The following SSBP3 variants were observed in gnomAD, a reference collection of about 807,000 sequenced individuals.
SSBP3 encodes the protein single-stranded DNA-binding protein 3.
In SSBP3, 5 loss-of-function variants were observed where a neutral mutation model predicts 69.6. The observed-to-expected ratio is 0.07, with a 90% confidence interval of 0.04 to 0.15. SSBP3 has a LOEUF of 0.15. Ranked by LOEUF, SSBP3 falls within the 10% of genes least tolerant of loss-of-function variation. The probability of loss-of-function intolerance (pLI) is 1.00; values close to 1 mark genes in which losing one functional copy is unlikely to be tolerated. For missense variants in SSBP3, 312 were observed against 534.0 expected, an observed-to-expected ratio of 0.58 and a Z score of 4.10; for synonymous variants, 196 against 193.4, an observed-to-expected ratio of 1.01 and a Z score of -0.11.
intron 4 of SSBP3, among the ~76,000 whole-genome samples, chr1:54,298,427 G>C (rs1430627266): frequency 1.3e-5 from 2 of 152,150 alleles, no homozygotes; most frequent in Non-Finnish European, 2.9e-5. Context: ...CCACCACTCT[G>C]GGGAGCCAGT....
chr1:54,412,221 C>T (rs1650013036), intron 1 of SSBP3, among the ~76,000 whole-genome samples: 1 of 151,968 alleles, frequency 6.6e-6, no homozygotes, highest in Non-Finnish European at 1.5e-5. Context: ...CCCAGCTACT[C>T]AGGAGGCTGA....
chr1:54,352,401 G>C (rs1296864293), intron 4 of SSBP3, among the ~76,000 whole-genome samples: 1 of 152,114 alleles, frequency 6.6e-6, no homozygotes, highest in Admixed American at 6.5e-5. Context: ...GACTGGTAAG[G>C]TGGCTTCTTC....
At chr1:54,233,791 C>T (rs1472890032) in intron 14 of SSBP3, among the ~76,000 whole-genome samples, 4 of 151,942 alleles carry the variant, frequency 2.6e-5, no homozygotes, top group Non-Finnish European at 5.9e-5. Context: ...CCCGGCCAGC[C>T]GCCCTGTCCG....
chr1:54,232,834 T>C lies in SSBP3; in HGVS notation c.928-4008A>G, dbSNP rs928167093. Among the ~76,000 whole-genome samples the C allele has an allele frequency of 1.2e-4, 19 of 152,332 alleles. No individual in the cohort carries two copies. In the South Asian group the frequency reaches 3.7e-3, roughly 30 times the overall value. The stretch of plus-strand genomic sequence containing the variant: ...CTAACCGCGAGTGATCCGCCAGCCT[T>C]GGCCTCCCGAGGTGCCGGGATTGCA... On this transcript the variant is annotated intron_variant, in intron 14 of 17. Transcript: ENST00000610401.
At chr1:54,327,846 C>A (rs1646337378) in intron 4 of SSBP3, among the ~76,000 whole-genome samples, 1 of 152,170 alleles carries the variant, frequency 6.6e-6, no homozygotes, top group Non-Finnish European at 1.5e-5. Flanking sequence ...CCTGTCCCCT[C>A]CCCCATCCCA....
intron 10 of SSBP3, chr1:54,242,981 G>A (rs1022628598): frequency 5.7e-5 from 25 of 438,324 alleles, no homozygotes; most frequent in African/African-American, 1.0e-4. Context: ...AAAAATCATC[G>A]CGTCATAGGG....
In SSBP3 at chr1:54,266,656, CAAAT is replaced by C. The variant is rs3835479; in HGVS notation, c.367-8511_367-8508del. Among the ~76,000 whole-genome samples the C allele has an allele frequency of 2.5e-4, 38 of 152,308 alleles. 1 individual carries two copies. The East Asian group carries it at 6.6e-3, about 26-fold the overall frequency. The stretch of plus-strand genomic sequence containing the variant: ...TTAACCTCACATTTCTCTTGTAAGA[CAAAT>C]GAAGCAAAAGTTGACCCCATTTTAC... On this transcript the variant is annotated intron_variant, in intron 5 of 17. Coordinates refer to ENST00000610401, the Ensembl canonical transcript of SSBP3.
At chr1:54,352,296 T>G (rs865835841) in intron 4 of SSBP3, among the ~76,000 whole-genome samples, 1 of 152,038 alleles carries the variant, frequency 6.6e-6, no homozygotes, top group African/African-American at 2.4e-5. Context: ...TTGATAGAAC[T>G]GATTCAAGTC....
chr1:54,332,525 C>A (rs537385563), intron 4 of SSBP3, among the ~76,000 whole-genome samples: 3 of 152,248 alleles, frequency 2.0e-5, no homozygotes, highest in Non-Finnish European at 1.5e-5. Flanking sequence ...ATCATCTTTC[C>A]AAACCCCCCT....
chr1:54,260,956 AC>A (rs1205668276), intron 5 of SSBP3, among the ~76,000 whole-genome samples: 1 of 152,188 alleles, frequency 6.6e-6, no homozygotes, highest in African/African-American at 2.4e-5. Context: ...CTCCTCTCCC[AC>A]CTGCAGTGAA....
intron 4 of SSBP3, among the ~76,000 whole-genome samples, chr1:54,333,728 T>TA (rs1646460688): frequency 6.6e-6 from 1 of 152,174 alleles, no homozygotes; most frequent in South Asian, 2.1e-4. Context: ...GTGATACATG[T>TA]AACTGTTTAG....
chr1:54,377,080 A>C (rs1246700569), intron 4 of SSBP3, among the ~76,000 whole-genome samples: 3 of 152,224 alleles, frequency 2.0e-5, no homozygotes, highest in Non-Finnish European at 4.4e-5. Flanking sequence ...AAGGGCATTT[A>C]AAACATTCCA....
At chr1:54,357,285 C>T (rs919431745) in intron 4 of SSBP3, among the ~76,000 whole-genome samples, 12 of 152,098 alleles carry the variant, frequency 7.9e-5, no homozygotes, top group African/African-American at 2.4e-4. Context: ...GGTGGGCACT[C>T]GACAAATGAG....
At position 54,258,148 on chromosome 1, in the gene SSBP3, C is replaced by T. The variant is rs1292187249; in HGVS notation, c.368G>A (p.Gly123Asp). The T allele has an allele frequency of 6.3e-7, 1 of 1,587,440 alleles. No homozygotes were observed. Among genetic ancestry groups the T allele is most frequent in the South Asian group, 1.2e-5 (1 of 86,344 alleles). ...CGGCGAGGGCTGTGACCCCGGAGGACCCTGTGAGGCCAGACAGTAGAGGCA... is the reference window on the plus strand; with the variant it reads ...CGGCGAGGGCTGTGACCCCGGAGGATCCTGTGAGGCCAGACAGTAGAGGCA... Residue 123 changes from glycine (G) to aspartate (D), a missense_variant and splice_region_variant, in exon 6 of 18, where the codon GGT (glycine) becomes GAT (aspartate). Physicochemically the swap from Gly to Asp is moderately conservative, Grantham distance 94 (BLOSUM62 -1). Coordinates refer to ENST00000610401, the Ensembl canonical transcript of SSBP3. The surrounding 1 kb of genome is among the most constrained non-coding windows in gnomAD (Gnocchi z 4.5).
intron 15 of SSBP3, 105 bp downstream of exon 15, chr1:54,228,643 C>G: frequency 4.0e-6 from 6 of 1,485,332 alleles, no homozygotes; most frequent in Non-Finnish European, 5.5e-6. Flanking sequence ...TGTGCCCAGC[C>G]AAGGCCGGCC....
At chr1:54,307,573 G>A (rs1460010242) in intron 4 of SSBP3, among the ~76,000 whole-genome samples, 2 of 152,224 alleles carry the variant, frequency 1.3e-5, no homozygotes, top group Non-Finnish European at 2.9e-5. Flanking sequence ...TTGAAAAGGA[G>A]CTGGGTAAGA....
chr1:54,404,524 C>T (rs1252360947), intron 3 of SSBP3, 52 bp downstream of exon 3: 2 of 1,602,734 alleles, frequency 1.2e-6, no homozygotes, highest in South Asian at 1.1e-5. Context: ...TCACTTGGAC[C>T]CAGGGCTCAC....
intron 4 of SSBP3, among the ~76,000 whole-genome samples, chr1:54,289,020 CAAAAAAAAAAAAAAAACAAA>C (rs1645547283): frequency 2.3e-5 from 1 of 43,920 alleles, no homozygotes; most frequent in Admixed American, 3.5e-4. Context: ...ACTCTGTCTC[CAAAAAAAAAAAAAAAACAAA>C]AAAACAAAAA....
intron 4 of SSBP3, among the ~76,000 whole-genome samples, chr1:54,340,270 T>C (rs752851449): frequency 1.4e-4 from 21 of 152,376 alleles, no homozygotes; most frequent in Admixed American, 2.6e-4. Context: ...AAAGGTAGCT[T>C]GTCTCTTTTC....
Sources: allele counts gnomAD v4.1 joint callset (sites outside exome capture counted in the v4.1 genomes callset), GRCh38; gene constraint gnomAD v4.1.1; non-coding constraint Gnocchi (gnomAD v3.1); transcripts MANE v1.5; gene names NCBI Gene and HGNC (gene_info 2026-07-23, HGNC 2026-07-21).